TP63: variants seen among roughly 807,000 people sequenced by gnomAD.
The protein encoded by TP63 is tumor protein 63.
A neutral mutation model predicts 82.8 loss-of-function variants in TP63; 17 were observed. The observed-to-expected ratio is 0.21, with a 90% confidence interval of 0.14 to 0.31. TP63 has a LOEUF of 0.31. TP63 is among the 10% of genes least tolerant of loss of function. The pLI is 1.00. For missense variants in TP63, 648 were observed against 895.3 expected (o/e 0.72, Z 3.52); for synonymous variants, 330 against 321.7 (o/e 1.03, Z -0.28).
intron 4 of TP63, among the ~76,000 whole-genome samples, chr3:189,839,254 G>A (rs765444182): frequency 3.9e-5 from 6 of 151,916 alleles, no homozygotes; most frequent in African/African-American, 7.3e-5. Context: ...AATTATTGTC[G>A]GCACTCTTTC....
At chr3:189,758,102 G>A (rs1722317365) in intron 3 of TP63, among the ~76,000 whole-genome samples, 2 of 152,170 alleles carry the variant, frequency 1.3e-5, no homozygotes, top group South Asian at 2.1e-4. Flanking sequence ...GAGAGTGGGT[G>A]GAGGTATGGT....
upstream of TP63, among the ~76,000 whole-genome samples, chr3:189,628,391 A>G (rs533615649): frequency 6.6e-6 from 1 of 152,248 alleles, no homozygotes; most frequent in East Asian, 1.9e-4. Context: ...TCATGAATGT[A>G]AGTGAGAAGA....
chr3:189,726,041 C>T (rs375780950), intron 1 of TP63, among the ~76,000 whole-genome samples: 2 of 123,662 alleles, frequency 1.6e-5, no homozygotes, highest in Admixed American at 1.1e-4. Flanking sequence ...GGCAACAGAG[C>T]GAGAGTTTAT....
chr3:189,825,230 G>C (rs1229274057), intron 4 of TP63, among the ~76,000 whole-genome samples: 1 of 152,154 alleles, frequency 6.6e-6, no homozygotes, highest in African/African-American at 2.4e-5. Context: ...TAAAGTTTTG[G>C]AGGAATCACC....
At chr3:189,803,390 G>A (rs1454997929) in intron 3 of TP63, among the ~76,000 whole-genome samples, 1 of 152,178 alleles carries the variant, frequency 6.6e-6, no homozygotes, top group Non-Finnish European at 1.5e-5. Context: ...TATTGCATTG[G>A]TCAAATAGCT....
intron 4 of TP63, among the ~76,000 whole-genome samples, chr3:189,812,026 A>C (rs1309846596): frequency 1.3e-5 from 2 of 152,200 alleles, no homozygotes; most frequent in African/African-American, 4.8e-5. Flanking sequence ...CTGCCCACAA[A>C]CTGAAAGAAA....
chr3:189,608,386 A>G, the TP63 span, among the ~76,000 whole-genome samples: 2 of 152,152 alleles, frequency 1.3e-5, no homozygotes, highest in Admixed American at 6.5e-5. Flanking sequence ...TTTTCTTGTG[A>G]TTAATTCTTC....
chr3:189,691,165 C>G (rs1017954923), intron 1 of TP63, among the ~76,000 whole-genome samples: 50 of 151,316 alleles, frequency 3.3e-4, no homozygotes, highest in African/African-American at 1.1e-3. Context: ...ATGGTGAAAC[C>G]CTGTCTCTAT....
At chr3:189,621,815 T>G in the TP63 span, among the ~76,000 whole-genome samples, 2 of 152,128 alleles carry the variant, frequency 1.3e-5, no homozygotes. Flanking sequence ...AAGTAGAATA[T>G]AAGAGATAAC....
intron 4 of TP63, among the ~76,000 whole-genome samples, chr3:189,817,991 T>C (rs1041972657): frequency 2.0e-5 from 3 of 151,758 alleles, no homozygotes. Context: ...ATAAATATAT[T>C]ACTCCAATTG....
intron 1 of TP63, among the ~76,000 whole-genome samples, chr3:189,691,338 C>CAAAA (rs781098833): frequency 4.9e-4 from 33 of 67,088 alleles, no homozygotes; most frequent in South Asian, 1.9e-3. Context: ...GACTCCATCT[C>CAAAA]AAAAAAAAAA....
intron 1 of TP63, among the ~76,000 whole-genome samples, chr3:189,655,559 T>G (rs2108643686): frequency 6.6e-6 from 1 of 152,098 alleles, no homozygotes; most frequent in Non-Finnish European, 1.5e-5. Flanking sequence ...GAGGTGGAGG[T>G]TGCAGTGAGG....
chr3:189,742,445 C>G (rs1480146106), intron 3 of TP63, among the ~76,000 whole-genome samples: 1 of 151,740 alleles, frequency 6.6e-6, no homozygotes, highest in East Asian at 1.9e-4. Flanking sequence ...AACTTTGAAC[C>G]CTTTTAACCT....
At chr3:189,744,107 C>T (rs994873606) in intron 3 of TP63, among the ~76,000 whole-genome samples, 2 of 152,154 alleles carry the variant, frequency 1.3e-5, no homozygotes, top group African/African-American at 2.4e-5. Flanking sequence ...ATCCTTGAAG[C>T]ACCATTGACA....
At chr3:189,843,509 CAA>C (rs1344102585) in intron 4 of TP63, among the ~76,000 whole-genome samples, 1 of 152,140 alleles carries the variant, frequency 6.6e-6, no homozygotes, top group East Asian at 1.9e-4. Context: ...ATCAAGAGCA[CAA>C]TTCGTACATG....
chr3:189,788,340 A>G (rs1724783672), intron 3 of TP63, among the ~76,000 whole-genome samples: 1 of 152,078 alleles, frequency 6.6e-6, no homozygotes, highest in South Asian at 2.1e-4. Flanking sequence ...TGACCACGTC[A>G]TCCTTTAAGT....
chr3:189,786,446 AACACACACACACACAC>A (rs59747587), intron 3 of TP63, among the ~76,000 whole-genome samples: 2 of 147,008 alleles, frequency 1.4e-5, no homozygotes, highest in Admixed American at 6.8e-5. Context: ...GACATACCTA[AACACACACACACACAC>A]ACACACACAC....
chr3:189,675,461 T>G (rs769881353), intron 1 of TP63, among the ~76,000 whole-genome samples: 6 of 152,118 alleles, frequency 3.9e-5, no homozygotes, highest in Non-Finnish European at 5.9e-5. Flanking sequence ...ATTTAGAATA[T>G]AACCTAAACA....
chr3:189,801,249 T>C (rs1726278071), intron 3 of TP63, among the ~76,000 whole-genome samples: 1 of 152,184 alleles, frequency 6.6e-6, no homozygotes, highest in Non-Finnish European at 1.5e-5. Context: ...ATCTGCTATA[T>C]AGAGCTATGA....
Sources: allele counts gnomAD v4.1 joint callset (sites outside exome capture counted in the v4.1 genomes callset), GRCh38; gene constraint gnomAD v4.1.1; transcripts MANE v1.5; gene names NCBI Gene and HGNC (gene_info 2026-07-23, HGNC 2026-07-21).